Variants in ACOXL observed in about 807,000 individuals in gnomAD.
ACOXL encodes the protein acyl-coenzyme A oxidase-like protein.
Under a neutral mutation model 71.9 loss-of-function variants are expected in ACOXL, and 70 were observed. The ratio of observed to expected loss-of-function variants is 0.97; its 90% CI spans 0.80 to 1.19. The LOEUF (loss-of-function observed/expected upper bound fraction) is 1.19. Ranked by LOEUF, ACOXL falls within the 50% of genes most tolerant of loss-of-function variation. The probability of loss-of-function intolerance (pLI) is 0.00; values close to 1 mark genes in which losing one functional copy is unlikely to be tolerated. For synonymous variants in ACOXL, 253 were observed against 281.6 expected (o/e 0.90, Z 1.02); for missense variants, 703 against 736.3 (o/e 0.95, Z 0.52).
chr2:110,799,136 T>G (rs1256214012), intron 7 of ACOXL, 36 bp downstream of exon 7: 7 of 1,579,214 alleles, frequency 4.4e-6, no homozygotes, highest in Non-Finnish European at 6.1e-6. Flanking sequence ...GTGCTCACTC[T>G]TCCTACCTGC....
At chr2:111,099,378 C>G in intron 17 of ACOXL, 1 of 152,218 alleles carries the variant, frequency 6.6e-6, no homozygotes, top group East Asian at 1.9e-4. Context: ...CACAAGCACC[C>G]TTTAGTGTGA....
At chr2:110,900,490 A>C (rs2059192211) in intron 10 of ACOXL, among the ~76,000 whole-genome samples, 1 of 152,142 alleles carries the variant, frequency 6.6e-6, no homozygotes, top group South Asian at 2.1e-4. Context: ...TGGTTGAGGA[A>C]CCTGAGGCTC....
Position 110,841,360 on chromosome 2 carries a change from T to G in ACOXL, c.754-11T>G. ...ATTACTTAATTTGTTTTTCTCTCTT[T>G]TTAATTACAGCTTGGGTTGACGATA... On this transcript the variant is annotated splice_polypyrimidine_tract_variant and intron_variant, in intron 9 of 17. Coordinates refer to ENST00000439055, the MANE Select transcript of ACOXL (RefSeq NM_001142807.4). 1 of 1,604,386 alleles carries G rather than the reference T, an allele frequency of 6.2e-7. No individual in the cohort carries two copies. Among genetic ancestry groups the G allele is most frequent in the Non-Finnish European group, 8.5e-7 (1 of 1,173,078 alleles).
chr2:111,012,412 C>G (rs1031968096), intron 14 of ACOXL, among the ~76,000 whole-genome samples: 1 of 152,098 alleles, frequency 6.6e-6, no homozygotes, highest in Non-Finnish European at 1.5e-5. Context: ...TGCTTTATTG[C>G]AGTGGTCTGG....
intron 10 of ACOXL, among the ~76,000 whole-genome samples, chr2:110,877,268 G>A (rs1452873594): frequency 6.6e-6 from 1 of 152,192 alleles, no homozygotes; most frequent in Non-Finnish European, 1.5e-5. Flanking sequence ...TCCGCCTCAT[G>A]GACTATCTTC....
intron 10 of ACOXL, among the ~76,000 whole-genome samples, chr2:110,903,965 G>A (rs1423948285): frequency 6.6e-6 from 1 of 152,268 alleles, no homozygotes; most frequent in East Asian, 1.9e-4. Context: ...CCTGCATGGG[G>A]CTGATGGTGG....
intron 14 of ACOXL, among the ~76,000 whole-genome samples, chr2:111,020,421 G>A (rs982444661): frequency 3.9e-5 from 6 of 152,326 alleles, no homozygotes; most frequent in South Asian, 2.1e-4. Flanking sequence ...CTGGTGGGGG[G>A]CTTCCTGATG....
intron 17 of ACOXL, among the ~76,000 whole-genome samples, chr2:111,103,153 G>C (rs1574772810): frequency 6.6e-6 from 1 of 152,078 alleles, no homozygotes; most frequent in East Asian, 1.9e-4. Context: ...AAATTAGCCA[G>C]GCGTGGTGGC....
At chr2:111,039,663 G>A (rs1183576325) in intron 15 of ACOXL, among the ~76,000 whole-genome samples, 1 of 152,172 alleles carries the variant, frequency 6.6e-6, no homozygotes, top group Non-Finnish European at 1.5e-5. Flanking sequence ...TATCTCTTGT[G>A]ATTCTTTTTT....
intron 10 of ACOXL, among the ~76,000 whole-genome samples, chr2:110,846,613 G>A (rs1292974086): frequency 7.2e-6 from 1 of 138,790 alleles, no homozygotes; most frequent in Admixed American, 7.8e-5. Flanking sequence ...CCATCCTCCC[G>A]CATGTGAGCA....
intron 10 of ACOXL, among the ~76,000 whole-genome samples, chr2:110,854,544 G>A (rs1693013745): frequency 6.6e-6 from 1 of 152,206 alleles, no homozygotes; most frequent in South Asian, 2.1e-4. Flanking sequence ...CCACCAGCAG[G>A]GGGATAAAGT....
intron 11 of ACOXL, among the ~76,000 whole-genome samples, chr2:110,912,234 C>T (rs1031501979): frequency 6.6e-6 from 1 of 152,032 alleles, no homozygotes; most frequent in East Asian, 1.9e-4. Context: ...ATCAAAATCC[C>T]AGAAACCTGA....
intron 14 of ACOXL, among the ~76,000 whole-genome samples, chr2:110,997,205 A>G (rs1326791687): frequency 6.6e-6 from 1 of 152,264 alleles, no homozygotes; most frequent in Non-Finnish European, 1.5e-5. Context: ...CGATAAGAGA[A>G]GAAAACAGAA....
intron 1 of ACOXL, among the ~76,000 whole-genome samples, chr2:110,735,950 C>A (rs1676782840): frequency 6.6e-6 from 1 of 152,058 alleles, no homozygotes; most frequent in African/African-American, 2.4e-5. Context: ...GAGAAAGCCC[C>A]CCCATAGGAT....
chr2:111,029,514 A>G (rs780870194), intron 14 of ACOXL, among the ~76,000 whole-genome samples: 1 of 152,238 alleles, frequency 6.6e-6, no homozygotes, highest in Non-Finnish European at 1.5e-5. Context: ...AGGTCAGCCC[A>G]TCTGGGCGTG....
chr2:110,880,170 A>G (rs1210471367), intron 10 of ACOXL, among the ~76,000 whole-genome samples: 74 of 145,150 alleles, frequency 5.1e-4, no homozygotes, highest in African/African-American at 1.8e-3. Flanking sequence ...AAAAAAAAAA[A>G]AAGAAAAGAA....
At chr2:110,935,753 T>A (rs891632512) in intron 12 of ACOXL, among the ~76,000 whole-genome samples, 5 of 152,006 alleles carry the variant, frequency 3.3e-5, no homozygotes, top group African/African-American at 7.3e-5. Flanking sequence ...GTCCTCTAAT[T>A]CTCTGTGGAC....
chr2:110,885,114 T>C (rs1459727941), intron 10 of ACOXL, among the ~76,000 whole-genome samples: 1 of 152,194 alleles, frequency 6.6e-6, no homozygotes, highest in Non-Finnish European at 1.5e-5. Context: ...TATGAGTGCG[T>C]GGGGAATGGA....
In ACOXL at chr2:110,831,309, A is replaced by G. The variant is rs138196045; in HGVS notation, c.754-10062A>G. ...GTTTCAGAAGGTTGTAGATAAACAT[A>G]CAAGAATTAATTGCATTTCCAAATA... On this transcript the variant is annotated intron_variant, in intron 9 of 17. Coordinates refer to ENST00000439055, the MANE Select transcript of ACOXL (RefSeq NM_001142807.4). Among the ~76,000 whole-genome samples the G allele has an allele frequency of 7.9e-5, 12 of 152,366 alleles. No homozygotes were observed. In the East Asian group the frequency reaches 2.3e-3, roughly 29 times the overall value.
Sources: gnomAD v4.1 joint callset for allele counts (sites outside exome capture counted in the v4.1 genomes callset) on GRCh38, gnomAD v4.1.1 for gene constraint, MANE v1.5 for transcripts, NCBI Gene and HGNC (gene_info 2026-07-23, HGNC 2026-07-21) for gene names.